PLCH1: variants seen among roughly 807,000 people sequenced by gnomAD.
The protein encoded by PLCH1 is phospholipase C eta 1.
In PLCH1, 60 loss-of-function variants were observed where a neutral mutation model predicts 126.7. The ratio of observed to expected loss-of-function variants is 0.47; its 90% CI spans 0.38 to 0.59. PLCH1 has a LOEUF of 0.59. Among genes scored for constraint, PLCH1 ranks in the 20% least tolerant of loss-of-function variants. PLCH1 has a pLI of 0.00. For synonymous variants in PLCH1, 719 were observed against 734.9 expected, an observed-to-expected ratio of 0.98 and a Z score of 0.35; for missense variants, 1,723 against 2,040.0, an observed-to-expected ratio of 0.84 and a Z score of 2.99.
In PLCH1 at chr3:155,506,070, G is replaced by C. The variant is rs1231386783; in HGVS notation, c.1633-1444C>G. On this transcript the variant is annotated intron_variant, in intron 12 of 22. Coordinates refer to ENST00000460012, the MANE Select transcript of PLCH1 (RefSeq NM_014996.4). Reference sequence around the variant, plus strand: ...AGCACGGCTGTCACAGGCAAATTGAGGTATATGGTCACCCTATTTAGTAGG... The same window carrying C: ...AGCACGGCTGTCACAGGCAAATTGACGTATATGGTCACCCTATTTAGTAGG... Among the ~76,000 whole-genome samples the C allele has an allele frequency of 2.0e-5, 3 of 151,874 alleles. No homozygotes were observed. In the South Asian group the frequency reaches 6.2e-4, roughly 32 times the overall value.
Position 155,643,033 on chromosome 3 carries a change from C to T in PLCH1, c.80-46655G>A, listed in dbSNP as rs149303372. On this transcript the variant is annotated intron_variant, in intron 2 of 22. Coordinates refer to ENST00000460012, the MANE Select transcript of PLCH1 (RefSeq NM_014996.4). The stretch of plus-strand genomic sequence containing the variant: ...GCATGATCTTGGCTCACTGCAACCT[C>T]CGCCTCCTGAGTTCAAGCAATTTTC... 6.3e-3 allele frequency among the ~76,000 whole-genome samples: 962 copies of T among 152,280 alleles called. 12 individuals are homozygous for T. Among genetic ancestry groups the T allele is most frequent in the African/African-American group, 0.022 (901 of 41,540 alleles).
At chr3:155,570,793 T>C (rs1729104265) in intron 6 of PLCH1, among the ~76,000 whole-genome samples, 1 of 152,238 alleles carries the variant, frequency 6.6e-6, no homozygotes, top group African/African-American at 2.4e-5. Context: ...CATTTTTCTT[T>C]ATTTCTATTG....
At chr3:155,533,160 A>G (rs1560122462) in intron 10 of PLCH1, among the ~76,000 whole-genome samples, 1 of 152,240 alleles carries the variant, frequency 6.6e-6, no homozygotes, top group East Asian at 1.9e-4. Context: ...GCAACTTTCA[A>G]CTTGAGAGAG....
chr3:155,713,504 G>A (rs1009403291), intron 1 of PLCH1, among the ~76,000 whole-genome samples: 2 of 152,176 alleles, frequency 1.3e-5, no homozygotes, highest in Non-Finnish European at 2.9e-5. Flanking sequence ...TGTCTGAGAG[G>A]TGTGTGTGTT....
At chr3:155,682,695 T>C (rs777923403) in intron 2 of PLCH1, among the ~76,000 whole-genome samples, 2 of 151,964 alleles carry the variant, frequency 1.3e-5, no homozygotes, top group African/African-American at 2.4e-5. Context: ...GTGGAAAAAC[T>C]GGGCTTTCTA....
At chr3:155,630,563 C>T (rs903981659) in intron 2 of PLCH1, among the ~76,000 whole-genome samples, 5 of 152,202 alleles carry the variant, frequency 3.3e-5, no homozygotes, top group African/African-American at 1.2e-4. Flanking sequence ...TTAGGCTCCT[C>T]TAGTTTTCTG....
intron 21 of PLCH1, among the ~76,000 whole-genome samples, chr3:155,486,666 A>G (rs1312629540): frequency 6.6e-6 from 1 of 151,534 alleles, no homozygotes; most frequent in Non-Finnish European, 1.5e-5. Flanking sequence ...CTGGGACTAC[A>G]GGCGCCGGCC....
chr3:155,500,714 G>A lies in PLCH1; in HGVS notation c.1785C>T (p.Gly595=), dbSNP rs1189149084. The A allele has an allele frequency of 6.2e-7, 1 of 1,606,334 alleles. No homozygotes were observed. Among genetic ancestry groups the A allele is most frequent in the Non-Finnish European group, 8.5e-7 (1 of 1,172,952 alleles). Residue 595 remains glycine, a synonymous_variant, in exon 14 of 23, where the codon GGC becomes GGT. Coordinates refer to ENST00000460012, the MANE Select transcript of PLCH1 (RefSeq NM_014996.4). ...DTQQSTGKEG[G]QLYRLGRRRK... The stretch of plus-strand genomic sequence containing the variant: ...AGATGCTTTCTTACCTGTACAGCTG[G>A]CCACCCTCCTTGCCAGTACTCTGCT...
Position 155,636,957 on chromosome 3 carries a change from G to A in PLCH1, c.80-40579C>T, listed in dbSNP as rs1738796791. 4.0e-5 allele frequency among the ~76,000 whole-genome samples: 6 copies of A among 151,470 alleles called. No homozygotes were observed. In the South Asian group the frequency reaches 8.3e-4, roughly 21 times the overall value. On this transcript the variant is annotated intron_variant, in intron 2 of 22. Coordinates refer to ENST00000460012, the MANE Select transcript of PLCH1 (RefSeq NM_014996.4). Reference sequence around the variant, plus strand: ...TTGGAGCTTATATTTTTTATGTCTCGGTTTTTTACTTTTAGTAATTGATTT... The same window carrying A: ...TTGGAGCTTATATTTTTTATGTCTCAGTTTTTTACTTTTAGTAATTGATTT...
intron 6 of PLCH1, among the ~76,000 whole-genome samples, chr3:155,581,155 G>C (rs1306557457): frequency 6.6e-6 from 1 of 152,188 alleles, no homozygotes; most frequent in Admixed American, 6.5e-5. Context: ...TTATCTCTCT[G>C]ATATTCAGAT....
intron 2 of PLCH1, among the ~76,000 whole-genome samples, chr3:155,654,192 C>T (rs1346233398): frequency 2.0e-5 from 3 of 151,798 alleles, no homozygotes; most frequent in Non-Finnish European, 2.9e-5. Flanking sequence ...CCTGGGACAT[C>T]ATATTCCCTG....
intron 2 of PLCH1, among the ~76,000 whole-genome samples, chr3:155,688,070 T>C (rs774285962): frequency 3.3e-5 from 5 of 152,190 alleles, no homozygotes; most frequent in Non-Finnish European, 4.4e-5. Flanking sequence ...TAATCATTTT[T>C]ACCTATGAAG....
intron 2 of PLCH1, among the ~76,000 whole-genome samples, chr3:155,690,148 A>G (rs1336536700): frequency 2.0e-5 from 3 of 152,156 alleles, no homozygotes; most frequent in African/African-American, 7.2e-5. Flanking sequence ...AGCATGACAT[A>G]TTTAAAGTGT....
chr3:155,611,406 A>G (rs1735077265), intron 2 of PLCH1, among the ~76,000 whole-genome samples: 1 of 152,150 alleles, frequency 6.6e-6, no homozygotes, highest in Non-Finnish European at 1.5e-5. Context: ...ATAAATAAAT[A>G]CAAATAAAAA....
intron 21 of PLCH1, among the ~76,000 whole-genome samples, chr3:155,470,444 A>T (rs370820879): frequency 6.6e-6 from 1 of 152,134 alleles, no homozygotes; most frequent in Non-Finnish European, 1.5e-5. Flanking sequence ...CCAAATCTAC[A>T]TCTGATTGGT....
In PLCH1 at chr3:155,710,834, C is replaced by CA. The variant is rs35396005; in HGVS notation, c.-40-6571dup. On this transcript the variant is annotated intron_variant, in intron 1 of 22. Transcript: ENST00000460012. ...GGCAACAGAGCAAAAAACTCTGTCT[C>CA]AAAAAAAAAAAAAAACTAGTTTTAA... Among the ~76,000 whole-genome samples, 793 of 104,306 alleles carry CA rather than the reference C, an allele frequency of 7.6e-3. 5 individuals are homozygous for CA. Among genetic ancestry groups the CA allele is most frequent in the African/African-American group, 0.012 (370 of 30,018 alleles). 68.4% of individuals were successfully genotyped at this position (104,306 alleles called of 152,430 possible). A position where few individuals can be genotyped will look rare whatever the true frequency, so the allele number is the denominator to read the frequency against.
In PLCH1 at chr3:155,469,578, C is replaced by T. The variant is rs541146140; in HGVS notation, c.2938+15778G>A. 2.6e-3 allele frequency among the ~76,000 whole-genome samples: 403 copies of T among 152,368 alleles called. 2 individuals carry two copies. Among genetic ancestry groups the T allele is most frequent in the South Asian group, 9.1e-3 (44 of 4,828 alleles). ...TCAAACTGGGTGGAGCCCACCACAGCTCAAGGAGGCCTGCCTGCATCTGTA... is the reference window on the plus strand; with the variant it reads ...TCAAACTGGGTGGAGCCCACCACAGTTCAAGGAGGCCTGCCTGCATCTGTA... On this transcript the variant is annotated intron_variant, in intron 21 of 21. Coordinates refer to the PLCH1 transcript ENST00000494598.
intron 1 of PLCH1, among the ~76,000 whole-genome samples, chr3:155,722,446 G>A (rs1748024931): frequency 6.6e-6 from 1 of 152,212 alleles, no homozygotes; most frequent in Non-Finnish European, 1.5e-5. Flanking sequence ...ACAGGCGTGA[G>A]CCACTGTGCC....
chr3:155,526,564 C>T (rs1721979142), intron 10 of PLCH1, among the ~76,000 whole-genome samples: 2 of 151,232 alleles, frequency 1.3e-5, no homozygotes, highest in South Asian at 4.2e-4. Context: ...GAGAGACCCA[C>T]ATGGCAGGGA....
Sources: gnomAD v4.1 joint callset for allele counts (sites outside exome capture counted in the v4.1 genomes callset) on GRCh38, gnomAD v4.1.1 for gene constraint, MANE v1.5 for transcripts, NCBI Gene and HGNC (gene_info 2026-07-23, HGNC 2026-07-21) for gene names.